The following NRCAM variants were observed in gnomAD, a reference collection of about 807,000 sequenced individuals.
NRCAM encodes neuronal cell adhesion molecule, also known as NgCAM-related cell adhesion molecule.
Under a neutral mutation model 156.5 loss-of-function variants are expected in NRCAM, and 83 were observed. The observed-to-expected ratio is 0.53, with a 90% CI of 0.44 to 0.64. NRCAM has a LOEUF of 0.64. Ranked by LOEUF, NRCAM falls within the 30% of genes least tolerant of loss-of-function variation. The probability of loss-of-function intolerance (pLI) is 0.00; values close to 1 mark genes in which losing one functional copy is unlikely to be tolerated. For synonymous variants in NRCAM, 538 were observed against 563.9 expected, an observed-to-expected ratio of 0.95 and a Z score of 0.65; for missense variants, 1,417 against 1,597.3, an observed-to-expected ratio of 0.89 and a Z score of 1.92.
In NRCAM at chr7:108,194,052, C is replaced by T. The variant is rs754568719; in HGVS notation, c.1750G>A (p.Asp584Asn). Residue 584 changes from aspartate to asparagine, a missense_variant, in exon 17 of 33, where the codon GAC becomes AAC. Physicochemically the swap from Asp to Asn is conservative, Grantham distance 23. Transcript: ENST00000379028. ...TLSLTVLWLK[D>N]NRELPSDERF... The stretch of plus-strand genomic sequence containing the variant: ...TCATCACTGGGCAGTTCCCTGTTGT[C>T]CTTCAGCCACAGGACAGTGAGGGAT... 1 of 1,614,128 alleles carries T rather than the reference C, an allele frequency of 6.2e-7. No individual in the cohort carries two copies. Among genetic ancestry groups the T allele is most frequent in the Non-Finnish European group, 8.5e-7 (1 of 1,179,992 alleles).
At chr7:108,388,119 C>A (rs200287264) in intron 2 of NRCAM, among the ~76,000 whole-genome samples, 1 of 152,142 alleles carries the variant, frequency 6.6e-6, no homozygotes, top group African/African-American at 2.4e-5. Flanking sequence ...TTCTAGATCC[C>A]TGAGGAATTG....
At chr7:108,245,846 T>C (rs1266596572) in intron 3 of NRCAM, among the ~76,000 whole-genome samples, 1 of 152,232 alleles carries the variant, frequency 6.6e-6, no homozygotes. Flanking sequence ...GAATACAGGA[T>C]TTTTCACATC....
chr7:108,297,349 C>T (rs1237227944), intron 3 of NRCAM, among the ~76,000 whole-genome samples: 2 of 152,308 alleles, frequency 1.3e-5, no homozygotes, highest in African/African-American at 2.4e-5. Context: ...CCACAATACC[C>T]TTTCCTCCTG....
rs533057692 is a variant in NRCAM, at chr7:108,402,732, A to G, written c.-331-3139T>C. Among the ~76,000 whole-genome samples, 15 of 152,306 alleles carry G rather than the reference A, an allele frequency of 9.8e-5. No homozygotes were observed. The South Asian group carries it at 2.5e-3, about 25-fold the overall frequency. On this transcript the variant is annotated intron_variant, in intron 1 of 32. Coordinates refer to ENST00000379028, the MANE Select transcript of NRCAM (RefSeq NM_001037132.4). ...CCCAACCACAGCCCACTGTTCAGAA[A>G]AACAAGGATAAGCTATTGTTTTGGT...
chr7:108,436,894 A>T (rs1484666391), intron 1 of NRCAM, among the ~76,000 whole-genome samples: 1 of 152,202 alleles, frequency 6.6e-6, no homozygotes, highest in Admixed American at 6.5e-5. Flanking sequence ...CTACTAAAAG[A>T]TCCACCAATC....
chr7:108,168,455 C>T, intron 28 of NRCAM, 53 bp from the exon 29 acceptor site: 2 of 1,433,204 alleles, frequency 1.4e-6, no homozygotes, highest in Non-Finnish European at 1.8e-6. Flanking sequence ...ACACCATACA[C>T]ACGAATATAA....
chr7:108,306,974 G>C (rs1258587778), intron 3 of NRCAM, among the ~76,000 whole-genome samples: 4 of 152,236 alleles, frequency 2.6e-5, no homozygotes, highest in African/African-American at 7.2e-5. Context: ...GCACAGGACA[G>C]AGAGATGCCA....
In NRCAM at chr7:108,240,326, C is replaced by A. The variant is rs184843430; in HGVS notation, c.-106-156G>T. ...ATTTAACTCTCAAAACTGGAGTAATCATTTATTCATAAATCAGCTAAAATC... is the reference window on the plus strand; with the variant it reads ...ATTTAACTCTCAAAACTGGAGTAATAATTTATTCATAAATCAGCTAAAATC... On this transcript the variant is annotated intron_variant, in intron 3 of 32. Transcript: ENST00000379028. Among the ~76,000 whole-genome samples, 39 of 152,242 alleles carry A rather than the reference C, an allele frequency of 2.6e-4. 3 individuals carry two copies. In the East Asian group the frequency reaches 7.5e-3, roughly 29 times the overall value.
At chr7:108,413,850 A>G (rs562697433) in intron 1 of NRCAM, among the ~76,000 whole-genome samples, 3 of 152,222 alleles carry the variant, frequency 2.0e-5, no homozygotes, top group African/African-American at 7.2e-5. Flanking sequence ...CTGCTTGCTC[A>G]GTGTAAAGTC....
At chr7:108,427,100 C>A (rs931977997) in intron 1 of NRCAM, among the ~76,000 whole-genome samples, 1 of 152,146 alleles carries the variant, frequency 6.6e-6, no homozygotes, top group African/African-American at 2.4e-5. Flanking sequence ...CTAGAATGCC[C>A]ACTCTCTAGG....
intron 22 of NRCAM, among the ~76,000 whole-genome samples, chr7:108,183,902 G>A (rs767121416): frequency 9.9e-5 from 15 of 152,016 alleles, no homozygotes; most frequent in Non-Finnish European, 1.8e-4. Flanking sequence ...TGTTCTAGGT[G>A]CTTTATATGT....
intron 12 of NRCAM, among the ~76,000 whole-genome samples, chr7:108,209,163 A>G (rs915395834): frequency 1.3e-5 from 2 of 152,106 alleles, no homozygotes; most frequent in Admixed American, 1.3e-4. Context: ...TTACTGTGGG[A>G]TTCTAATATT....
At chr7:108,218,182 G>A (rs1442756099) in intron 11 of NRCAM, among the ~76,000 whole-genome samples, 4 of 151,806 alleles carry the variant, frequency 2.6e-5, no homozygotes, top group Admixed American at 6.6e-5. Context: ...CTGGGGGGGG[G>A]GGGGAGTTCC....
chr7:108,290,340 G>A (rs538971571), intron 3 of NRCAM, among the ~76,000 whole-genome samples: 1 of 152,218 alleles, frequency 6.6e-6, no homozygotes, highest in South Asian at 2.1e-4. Context: ...GTTGGGTGCC[G>A]TATTTTCCCA....
chr7:108,256,841 C>G (rs1188988481), intron 3 of NRCAM, among the ~76,000 whole-genome samples: 2 of 151,670 alleles, frequency 1.3e-5, no homozygotes, highest in Admixed American at 6.6e-5. Context: ...CACGGCAGAA[C>G]CCAGTCTCTA....
At chr7:108,452,964 G>T (rs956768850) in intron 1 of NRCAM, among the ~76,000 whole-genome samples, 1 of 152,160 alleles carries the variant, frequency 6.6e-6, no homozygotes, top group African/African-American at 2.4e-5. Flanking sequence ...CTTGATCTGA[G>T]TGCTAGTTAA....
intron 3 of NRCAM, among the ~76,000 whole-genome samples, chr7:108,279,536 T>G (rs1563083897): frequency 6.6e-6 from 1 of 152,184 alleles, no homozygotes; most frequent in Non-Finnish European, 1.5e-5. Context: ...GTTTGTTTTT[T>G]GAGACAGGAT....
intron 3 of NRCAM, among the ~76,000 whole-genome samples, chr7:108,281,193 C>T (rs1322404293): frequency 1.3e-5 from 2 of 152,028 alleles, no homozygotes; most frequent in East Asian, 3.8e-4. Context: ...AAATTCAATA[C>T]CTGAGTAATT....
At chr7:108,443,039 A>C (rs1173522757) in intron 1 of NRCAM, among the ~76,000 whole-genome samples, 6 of 152,204 alleles carry the variant, frequency 3.9e-5, no homozygotes, top group African/African-American at 1.4e-4. Flanking sequence ...ACCAGGAGGA[A>C]ACCTCAAATT....
Sources: gnomAD v4.1 joint callset for allele counts (sites outside exome capture counted in the v4.1 genomes callset) on GRCh38, gnomAD v4.1.1 for gene constraint, MANE v1.5 for transcripts, NCBI Gene and HGNC (gene_info 2026-07-23, HGNC 2026-07-21) for gene names.